TSHZ2: variants seen among roughly 807,000 people sequenced by gnomAD.
The protein encoded by TSHZ2 is teashirt homolog 2.
In TSHZ2, 21 loss-of-function variants were observed where a neutral mutation model predicts 74.4. The ratio of observed to expected loss-of-function variants is 0.28; its 90% CI spans 0.20 to 0.41. The LOEUF is 0.41. Among genes scored for constraint, TSHZ2 ranks in the 10% least tolerant of loss-of-function variants. TSHZ2 has a pLI of 1.00. For synonymous variants in TSHZ2, 540 were observed against 515.3 expected, an observed-to-expected ratio of 1.05 and a Z score of -0.65; for missense variants, 1,244 against 1,293.5, an observed-to-expected ratio of 0.96 and a Z score of 0.59.
chr20:53,066,607 A>G (rs1049493199), intron 1 of TSHZ2, among the ~76,000 whole-genome samples: 5 of 152,166 alleles, frequency 3.3e-5, no homozygotes, highest in African/African-American at 1.2e-4. Flanking sequence ...TCCTGGGTTC[A>G]AGTGATTCTC....
At position 53,063,976 on chromosome 20, in the gene TSHZ2, T is replaced by TAGTA. The variant is rs1488784072; in HGVS notation, c.40+90644_40+90645insGTAA. Reference sequence around the variant, plus strand: ...TATTAGAACTGGAAGCCTCAAGTTATATTTCTTAATAGCGATGCAGCAAAT... The same window carrying TAGTA: ...TATTAGAACTGGAAGCCTCAAGTTATAGTAATTTCTTAATAGCGATGCAGCAAAT... On this transcript the variant is annotated intron_variant, in intron 1 of 2. Transcript: ENST00000371497. Among the ~76,000 whole-genome samples the TAGTA allele has an allele frequency of 2.6e-5, 4 of 152,322 alleles. No homozygotes were observed. The East Asian group carries it at 7.7e-4, about 29-fold the overall frequency.
intron 1 of TSHZ2, among the ~76,000 whole-genome samples, chr20:53,149,913 C>G (rs1987635543): frequency 6.6e-6 from 1 of 152,164 alleles, no homozygotes; most frequent in South Asian, 2.1e-4. Flanking sequence ...AGTCCGTCAC[C>G]AAATGGATCT....
intron 2 of TSHZ2, among the ~76,000 whole-genome samples, chr20:53,282,517 G>C (rs1991083733): frequency 6.6e-6 from 1 of 152,160 alleles, no homozygotes; most frequent in Non-Finnish European, 1.5e-5. Flanking sequence ...TTTATGGATG[G>C]GGAAACCGAG....
intron 2 of TSHZ2, among the ~76,000 whole-genome samples, chr20:53,375,668 C>T (rs376647908): frequency 1.3e-5 from 2 of 152,264 alleles, no homozygotes. Context: ...TGGGTGTTCT[C>T]CTTCCCTGTA....
intron 1 of TSHZ2, among the ~76,000 whole-genome samples, chr20:53,009,358 A>G (rs1256077052): frequency 6.6e-6 from 1 of 152,006 alleles, no homozygotes; most frequent in Non-Finnish European, 1.5e-5. Flanking sequence ...ACAACAAAAC[A>G]AAAAATATAC....
chr20:53,005,438 G>A (rs996745461), intron 1 of TSHZ2, among the ~76,000 whole-genome samples: 12 of 152,322 alleles, frequency 7.9e-5, no homozygotes, highest in African/African-American at 2.6e-4. Flanking sequence ...TGTTCCAGAG[G>A]AGAAATGGTG....
intron 2 of TSHZ2, among the ~76,000 whole-genome samples, chr20:53,437,636 C>T (rs111611572): frequency 0.011 from 1,613 of 152,284 alleles, 16 homozygotes; most frequent in Non-Finnish European, 0.017. Flanking sequence ...CTTCTCCACC[C>T]GACATGGTTT....
At position 53,423,124 on chromosome 20, in the gene TSHZ2, C is replaced by T. The variant is rs187782899; in HGVS notation, c.*9-64020C>T. Among the ~76,000 whole-genome samples the T allele has an allele frequency of 3.6e-3, 553 of 152,252 alleles. 6 individuals are homozygous for T. Among genetic ancestry groups the T allele is most frequent in the Middle Eastern group, 0.031 (9 of 294 alleles). Reference sequence around the variant, plus strand: ...AAAGGTATATGATATTTGGGTTGGGCGCCGTGGCTTATGGCTGTAATCCCA... The same window carrying T: ...AAAGGTATATGATATTTGGGTTGGGTGCCGTGGCTTATGGCTGTAATCCCA... On this transcript the variant is annotated intron_variant, in intron 2 of 2. Transcript: ENST00000371497.
intron 1 of TSHZ2, among the ~76,000 whole-genome samples, chr20:52,996,109 A>G (rs953008631): frequency 3.3e-5 from 5 of 152,136 alleles, no homozygotes; most frequent in African/African-American, 4.8e-5. Context: ...TCTTTGGAGA[A>G]AGAGATATAT....
In TSHZ2 at chr20:53,045,691, C is replaced by T. The variant is rs1984202709; in HGVS notation, c.40+72358C>T. ...GATAACCTGGCTTCGAATCTGGGAA[C>T]CACCCTTATGGCTGAGTGGATTTCA... On this transcript the variant is annotated intron_variant, in intron 1 of 2. Transcript: ENST00000371497. Among the ~76,000 whole-genome samples the T allele has an allele frequency of 2.0e-5, 3 of 152,318 alleles. No individual in the cohort carries two copies. The South Asian group carries it at 6.2e-4, about 32-fold the overall frequency.
chr20:53,410,588 A>AT (rs71770442), intron 2 of TSHZ2, among the ~76,000 whole-genome samples: 1 of 12,678 alleles, frequency 7.9e-5, no homozygotes, highest in African/African-American at 4.0e-4. Flanking sequence ...TTATCGTCAC[A>AT]TTATTATTAT....
At chr20:53,155,790 ACT>A (rs1987780610) in intron 1 of TSHZ2, among the ~76,000 whole-genome samples, 1 of 151,582 alleles carries the variant, frequency 6.6e-6, no homozygotes, top group South Asian at 2.1e-4. Flanking sequence ...GTTGTGATAG[ACT>A]CTACATTGGC....
chr20:53,311,111 G>C (rs1978765848), intron 2 of TSHZ2, among the ~76,000 whole-genome samples: 1 of 152,224 alleles, frequency 6.6e-6, no homozygotes, highest in African/African-American at 2.4e-5. Flanking sequence ...AAGAATTATA[G>C]CACAGAGCAG....
intron 2 of TSHZ2, chr20:53,398,266 A>G (rs1982529511): frequency 6.6e-6 from 1 of 152,220 alleles, no homozygotes; most frequent in Admixed American, 6.5e-5. Context: ...CCCAGGTATC[A>G]AGCAATCCCC....
chr20:53,105,304 C>A lies in TSHZ2; in HGVS notation c.40+131971C>A, dbSNP rs546380450. ...ACTTCCTTTACCTTGGCACTGCTGA[C>A]ATTAGGAGCTAGATGATTCTTCTGA... On this transcript the variant is annotated intron_variant, in intron 1 of 2. Coordinates refer to ENST00000371497, the MANE Select transcript of TSHZ2 (RefSeq NM_173485.6). Among the ~76,000 whole-genome samples the A allele has an allele frequency of 3.9e-5, 6 of 152,320 alleles. No individual in the cohort carries two copies. In the East Asian group the frequency reaches 1.2e-3, roughly 29 times the overall value.
At chr20:53,368,654 C>T (rs2145618114) in intron 2 of TSHZ2, among the ~76,000 whole-genome samples, 1 of 152,212 alleles carries the variant, frequency 6.6e-6, no homozygotes, top group South Asian at 2.1e-4. Flanking sequence ...AGGATGACGC[C>T]ATAAACTGAT....
chr20:53,369,297 G>A (rs1198867341), intron 2 of TSHZ2, among the ~76,000 whole-genome samples: 1 of 152,162 alleles, frequency 6.6e-6, no homozygotes, highest in African/African-American at 2.4e-5. Context: ...AGTAGAGTTA[G>A]GGAAGTCCAT....
At chr20:53,215,454 A>C (rs988667120) in intron 1 of TSHZ2, among the ~76,000 whole-genome samples, 7 of 151,160 alleles carry the variant, frequency 4.6e-5, no homozygotes, top group Admixed American at 3.3e-4. Flanking sequence ...TTTGCCAGAC[A>C]TTTGCTTTCT....
At chr20:53,036,846 T>C (rs1568730219) in intron 1 of TSHZ2, among the ~76,000 whole-genome samples, 2 of 149,994 alleles carry the variant, frequency 1.3e-5, no homozygotes, top group Admixed American at 1.3e-4. Context: ...CTTTATATTA[T>C]ATATGTGTAG....
Sources: allele counts gnomAD v4.1 joint callset (sites outside exome capture counted in the v4.1 genomes callset), GRCh38; gene constraint gnomAD v4.1.1; transcripts MANE v1.5; gene names NCBI Gene and HGNC (gene_info 2026-07-23, HGNC 2026-07-21).